ACAD11: variants seen among roughly 807,000 people sequenced by gnomAD.
The protein encoded by ACAD11 is acyl-CoA dehydrogenase family member 11, also known as acyl-Coenzyme A dehydrogenase family, member 11.
A neutral mutation model predicts 102.2 loss-of-function variants in ACAD11; 83 were observed. That is an observed-to-expected ratio of 0.81 (90% CI 0.68 to 0.97). ACAD11 has a LOEUF of 0.97. Among genes scored for constraint, ACAD11 ranks in the 50% least tolerant of loss-of-function variants. The pLI is 0.00. For synonymous variants in ACAD11, 324 were observed against 319.8 expected (o/e 1.01, Z -0.14); for missense variants, 901 against 951.7 (o/e 0.95, Z 0.70).
chr3:132,563,624 C>T (rs1559929553), intron 17 of ACAD11, among the ~76,000 whole-genome samples: 1 of 152,122 alleles, frequency 6.6e-6, no homozygotes, highest in Non-Finnish European at 1.5e-5. Context: ...GACCTTGTAT[C>T]CTGTGACTTT....
chr3:132,633,834 T>G (rs1198603099), intron 5 of ACAD11, among the ~76,000 whole-genome samples: 1 of 132,736 alleles, frequency 7.5e-6, no homozygotes, highest in East Asian at 2.1e-4. Flanking sequence ...TAAATGGTGC[T>G]GGGAAAACTG....
chr3:132,568,476 A>G (rs937707678), intron 17 of ACAD11, among the ~76,000 whole-genome samples: 1 of 152,216 alleles, frequency 6.6e-6, no homozygotes, highest in African/African-American at 2.4e-5. Flanking sequence ...AATTTTTCTT[A>G]ATGTTTGCAG....
chr3:132,626,824 C>A lies in ACAD11; in HGVS notation c.1071-7G>T. ...TAGTACAGTACTGAAAGTTCTTTGC[C>A]AAAAGAAAAAAGGAAAAAAAGGTTA... On this transcript the variant is annotated splice_polypyrimidine_tract_variant and splice_region_variant and intron_variant, in intron 8 of 19. Coordinates refer to ENST00000264990, the MANE Select transcript of ACAD11 (RefSeq NM_032169.5). 2.5e-6 allele frequency: 4 copies of A among 1,590,458 alleles called. No homozygotes were observed. The highest frequency in any genetic ancestry group is 2.3e-5 in the South Asian group (2 of 85,986).
At chr3:132,619,418 T>G in intron 10 of ACAD11, 50 bp downstream of exon 10, 1 of 1,293,958 alleles carries the variant, frequency 7.7e-7, no homozygotes, top group Non-Finnish European at 1.1e-6. Context: ...AGGTCTAGGA[T>G]CTCAAAAAAC....
At chr3:132,615,923 A>G (rs1387157205) in intron 11 of ACAD11, among the ~76,000 whole-genome samples, 1 of 152,154 alleles carries the variant, frequency 6.6e-6, no homozygotes, top group Admixed American at 6.5e-5. Flanking sequence ...GAAGGGGGGA[A>G]AAAGGGCAAA....
chr3:132,597,381 C>T (rs1938361705), intron 13 of ACAD11: 1 of 148,210 alleles, frequency 6.7e-6, no homozygotes, highest in African/African-American at 2.5e-5. Context: ...GCCCAAAGAT[C>T]TTGTATATTT....
rs533789567 is a variant in ACAD11 at position 132,604,972 on chromosome 3, A to T, written c.1522+126T>A. Reference sequence around the variant, plus strand: ...TTAATAACAGGCTCAAAATAAACATACTCACATTTTTGGCCAATGGCAAAT... The same window carrying T: ...TTAATAACAGGCTCAAAATAAACATTCTCACATTTTTGGCCAATGGCAAAT... On this transcript the variant is annotated intron_variant, in intron 12 of 19. Transcript: ENST00000264990. 7.5e-5 allele frequency: 44 copies of T among 589,896 alleles called. No individual in the cohort carries two copies. In the South Asian group the frequency reaches 1.1e-3, roughly 15 times the overall value. 36.5% of individuals were successfully genotyped at this position (589,896 alleles called of 1,614,324 possible).
chr3:132,587,746 A>G (rs1937901737), intron 13 of ACAD11, among the ~76,000 whole-genome samples: 1 of 152,196 alleles, frequency 6.6e-6, no homozygotes, highest in Admixed American at 6.5e-5. Context: ...TTGTTTTGAC[A>G]GGCAATTAAC....
At chr3:132,613,185 A>T (rs1271764174) in intron 11 of ACAD11, among the ~76,000 whole-genome samples, 1 of 147,046 alleles carries the variant, frequency 6.8e-6, no homozygotes, top group Non-Finnish European at 1.5e-5. Context: ...ATGAGAACAC[A>T]TGGACACAGG....
intron 1 of ACAD11, among the ~76,000 whole-genome samples, chr3:132,657,266 T>C (rs1048257058): frequency 5.3e-5 from 8 of 152,346 alleles, no homozygotes; most frequent in South Asian, 2.1e-4. Context: ...AGTGCCAACA[T>C]TGTCACTTAT....
Position 132,622,966 on chromosome 3 carries a change from A to G in ACAD11, c.1198-3421T>C, listed in dbSNP as rs1939662647. ...GTATGATTAATGTTACCATTATGTT[A>G]AAAGTGTGTTCTCACTGTGTTATGT... On this transcript the variant is annotated intron_variant, in intron 9 of 19. Coordinates refer to ENST00000264990, the MANE Select transcript of ACAD11 (RefSeq NM_032169.5). Among the ~76,000 whole-genome samples the G allele has an allele frequency of 3.9e-5, 6 of 152,352 alleles. No individual in the cohort carries two copies. In the South Asian group the frequency reaches 1.2e-3, roughly 32 times the overall value.
intron 13 of ACAD11, among the ~76,000 whole-genome samples, chr3:132,588,578 C>T (rs1050172442): frequency 6.6e-6 from 1 of 152,110 alleles, no homozygotes; most frequent in African/African-American, 2.4e-5. Context: ...TTATTCCATA[C>T]TATAAATAAC....
At chr3:132,607,772 G>A (rs1379742182) in intron 11 of ACAD11, among the ~76,000 whole-genome samples, 2 of 152,018 alleles carry the variant, frequency 1.3e-5, no homozygotes, top group African/African-American at 2.4e-5. Flanking sequence ...GAAATAAGGA[G>A]AACACCACAA....
chr3:132,630,167 T>C (rs1373575246), intron 7 of ACAD11, among the ~76,000 whole-genome samples: 1 of 152,162 alleles, frequency 6.6e-6, no homozygotes, highest in Non-Finnish European at 1.5e-5. Flanking sequence ...TCCTTACTAA[T>C]CCTTTTTAAC....
At chr3:132,639,806 A>T in intron 4 of ACAD11, 150 bp from the exon 5 acceptor site, 1 of 682,670 alleles carries the variant, frequency 1.5e-6, no homozygotes, top group Non-Finnish European at 2.4e-6. Flanking sequence ...AAAACACTCA[A>T]ATCAGCCTAA....
chr3:132,606,679 G>A (rs949900045), intron 11 of ACAD11, among the ~76,000 whole-genome samples: 1 of 152,198 alleles, frequency 6.6e-6, no homozygotes, highest in Non-Finnish European at 1.5e-5. Flanking sequence ...GAGGACCTGC[G>A]GGAAGGGGTG....
chr3:132,608,403 A>G (rs1336034026), intron 11 of ACAD11, among the ~76,000 whole-genome samples: 1 of 152,232 alleles, frequency 6.6e-6, no homozygotes, highest in Non-Finnish European at 1.5e-5. Flanking sequence ...AGACACACAT[A>G]GGCTCAAAAT....
At position 132,628,270 on chromosome 3, in the gene ACAD11, A is replaced by G. The variant is rs1939901590; in HGVS notation, c.1070+70T>C. ...CAATAAAAATAATCCCTACTCCCCT[A>G]AAGTGTATAACCTTCACATACCCAA... On this transcript the variant is annotated intron_variant, in intron 8 of 19. Transcript: ENST00000264990. The G allele has an allele frequency of 2.9e-6, 3 of 1,049,472 alleles. No homozygotes were observed. In the Admixed American group the frequency reaches 6.7e-5, roughly 23 times the overall value. The allele number at this position is 1,049,472 out of a possible 1,614,324, so 65.0% of individuals were successfully genotyped here.
chr3:132,656,665 C>A (rs1026924089), intron 1 of ACAD11, among the ~76,000 whole-genome samples: 9 of 151,700 alleles, frequency 5.9e-5, no homozygotes, highest in African/African-American at 2.2e-4. Context: ...CAGCTAATTT[C>A]GTATTTTTAG....
Sources: allele counts gnomAD v4.1 joint callset (sites outside exome capture counted in the v4.1 genomes callset), GRCh38; gene constraint gnomAD v4.1.1; transcripts MANE v1.5; gene names NCBI Gene and HGNC (gene_info 2026-07-23, HGNC 2026-07-21).